The following NOS3 variants were observed in gnomAD, a reference collection of about 807,000 sequenced individuals.
NOS3 encodes the protein nitric oxide synthase 3.
NOS3 carries 98 observed loss-of-function variants against 144.9 expected under a neutral mutation model. The observed-to-expected ratio is 0.68, with a 90% CI of 0.57 to 0.80. The LOEUF (loss-of-function observed/expected upper bound fraction) is 0.80, where lower values mean the gene tolerates loss of function less well. Among genes scored for constraint, NOS3 ranks in the 30% least tolerant of loss-of-function variants. NOS3 has a pLI of 0.00. For missense variants in NOS3, 1,465 were observed against 1,656.4 expected (o/e 0.88, Z 2.01); for synonymous variants, 714 against 702.4 (o/e 1.02, Z -0.26).
At chr7:151,006,772 G>T (rs775564937) in intron 15 of NOS3, 117 bp from the exon 16 acceptor site, 1 of 859,908 alleles carries the variant, frequency 1.2e-6, no homozygotes, top group African/African-American at 1.7e-5. Context: ...CCTCCCAAGG[G>T]CAGGGCCTTT....
In NOS3 at chr7:150,996,519, A is replaced by G. The variant is rs751755993; in HGVS notation, c.386A>G (p.Asp129Gly). The G allele has an allele frequency of 8.1e-6, 13 of 1,601,780 alleles. No homozygotes were observed. The South Asian group carries it at 1.4e-4, about 18-fold the overall frequency. The change falls in exon 4 of 27, where the codon GAC becomes GGC. Residue 129 changes from aspartate (D) to glycine (G), a missense_variant. By Grantham distance (94) the Asp-to-Gly change is moderately conservative. Transcript: ENST00000297494. The stretch of plus-strand genomic sequence containing the variant: ...GAGCAGCTGCTGAGTCAGGCCCGGG[A>G]CTTCATCAACCAGTACTACAGCTCC... ...APEQLLSQAR[D>G]FINQYYSSIK...
rs1802250033 is a variant in NOS3, at chr7:150,991,297, G to C, written c.-55G>C. ...CTGTCAGCCACCAGCACCTTCTGCA[G>C]CAGGTACCTGCTCTCTAAGAGGGAG... On this transcript the variant is annotated 5_prime_UTR_variant, in exon 1 of 27. Transcript: ENST00000297494. 6.6e-6 allele frequency: 1 copy of C among 152,390 alleles called. No individual in the cohort carries two copies. The highest frequency in any genetic ancestry group is 1.5e-5 in the Non-Finnish European group (1 of 68,062). The allele number at this position is 152,390 out of a possible 1,614,324, so 9.4% of individuals were successfully genotyped here.
At chr7:151,012,193 G>T in intron 23 of NOS3, 158 bp from the exon 24 acceptor site, 1 of 612,088 alleles carries the variant, frequency 1.6e-6, no homozygotes. Context: ...GATCCAAGGA[G>T]TTTCAGCAAG....
chr7:151,008,655 C>T (rs564522740), intron 17 of NOS3, among the ~76,000 whole-genome samples: 3 of 152,190 alleles, frequency 2.0e-5, no homozygotes. Context: ...CTACCGTGTG[C>T]CAAGCACTAT....
chr7:150,997,268 CG>C (rs1238645806), intron 5 of NOS3, among the ~76,000 whole-genome samples: 1 of 151,570 alleles, frequency 6.6e-6, no homozygotes, highest in Non-Finnish European at 1.5e-5. Flanking sequence ...AGACCTGCTG[CG>C]GGGGTGAGGA....
rs1462172281 is a variant in NOS3, at chr7:150,999,277, C to T, written c.1044C>T (p.Phe348=). The T allele has an allele frequency of 6.2e-7, 1 of 1,612,092 alleles. No homozygotes were observed. The highest frequency in any genetic ancestry group is 8.5e-7 in the Non-Finnish European group (1 of 1,179,690). Residue 348 remains phenylalanine, a synonymous_variant, in exon 9 of 27, where the codon TTC becomes TTT. Coordinates refer to ENST00000297494, the MANE Select transcript of NOS3 (RefSeq NM_000603.5). ...NMLLEIGGLE[F]PAAPFSGWYM... ...TGCTGGAAATTGGGGGCCTGGAGTT[C>T]CCCGCAGCCCCCTTCAGTGGCTGGT...
chr7:151,010,524 G>A, intron 21 of NOS3, 73 bp from the exon 22 acceptor site: 3 of 1,401,458 alleles, frequency 2.1e-6, no homozygotes, highest in Non-Finnish European at 2.9e-6. Flanking sequence ...AGGCTCAGTG[G>A]GGGAGGGGTC....
At position 151,012,443 on chromosome 7, in the gene NOS3, A is replaced by C; in HGVS notation, c.3077A>C (p.Gln1026Pro). The change falls in exon 24 of 27, where the codon CAG becomes CCG. Residue 1026 changes from glutamine to proline, a missense_variant. Transcript: ENST00000297494. ...ATTGCCCCCTTCCGGGGATTCTGGC[A>C]GGAGCGGCTGCATGACATTGAGAGC... ...TGIAPFRGFW[Q>P]ERLHDIESKG... The C allele has an allele frequency of 1.2e-6, 2 of 1,611,876 alleles. No homozygotes were observed. The highest frequency in any genetic ancestry group is 1.7e-6 in the Non-Finnish European group (2 of 1,179,312).
At chr7:151,001,701 G>C in intron 12 of NOS3, 84 bp downstream of exon 12, 1 of 1,573,236 alleles carries the variant, frequency 6.4e-7, no homozygotes, top group Non-Finnish European at 8.7e-7. Context: ...CCCTGCCCCA[G>C]CAGTGTTCTG....
intron 26 of NOS3, 32 bp downstream of exon 26, chr7:151,013,950 G>A (rs1331618412): frequency 3.1e-6 from 5 of 1,603,374 alleles, no homozygotes; most frequent in Non-Finnish European, 3.4e-6. Flanking sequence ...CTGAGCGTGC[G>A]GGGTTCCTGC....
In NOS3 at chr7:150,993,765, G is replaced by A. The variant is rs775118198; in HGVS notation, c.-39G>A. ...CCCTCTTCCTAAGGAAAAGGCCAGG[G>A]CTCTGCTGGAGCAGGCAGCAGAGTG... On this transcript the variant is annotated 5_prime_UTR_variant, in exon 2 of 27. Transcript: ENST00000297494. This position sits in a 1 kb window ranked among gnomAD's most constrained non-coding sequence, Gnocchi z 4.0. The A allele has an allele frequency of 1.3e-6, 2 of 1,567,692 alleles. No homozygotes were observed. Among genetic ancestry groups the A allele is most frequent in the Non-Finnish European group, 1.7e-6 (2 of 1,163,816 alleles).
intron 26 of NOS3, 28 bp downstream of exon 26, chr7:151,013,946 G>T: frequency 1.2e-6 from 2 of 1,601,772 alleles, no homozygotes; most frequent in Non-Finnish European, 1.7e-6. Flanking sequence ...GGGCCTGAGC[G>T]TGCGGGGTTC....
rs761102418 is a variant in NOS3, at chr7:151,013,934, C to T, written c.3450+16C>T. 1.9e-6 allele frequency: 3 copies of T among 1,597,996 alleles called. No individual in the cohort carries two copies. On this transcript the variant is annotated intron_variant, in intron 26 of 26. Transcript: ENST00000297494. ...CGTGCTGCGGGTGCGGAGGGGCGGG[C>T]CGGGCCTGAGCGTGCGGGGTTCCTG...
chr7:151,007,282 C>T lies in NOS3; in HGVS notation c.2112+6C>T. 6.3e-7 allele frequency: 1 copy of T among 1,589,758 alleles called. No homozygotes were observed. Among genetic ancestry groups the T allele is most frequent in the Non-Finnish European group, 8.5e-7 (1 of 1,173,026 alleles). On this transcript the variant is annotated splice_donor_region_variant and intron_variant, in intron 17 of 26. Transcript: ENST00000297494. ...GGGCCCAGGCTGCCTTCCAGGTGAG[C>T]CCAGCCCAGCCCCTGCTCTGACTCC...
rs1196810356 is a variant in NOS3 at position 151,013,918 on chromosome 7, G to C, written c.3450G>C (p.Arg1150=). The C allele has an allele frequency of 2.5e-6, 4 of 1,599,048 alleles. No individual in the cohort carries two copies. Among genetic ancestry groups the C allele is most frequent in the African/African-American group, 1.3e-5 (1 of 74,636 alleles). Residue 1150 remains arginine (R), a splice_region_variant and synonymous_variant, in exon 26 of 27, where the codon CGG becomes CGC. Coordinates refer to ENST00000297494, the MANE Select transcript of NOS3 (RefSeq NM_000603.5). ...DEAGDVIGVL[R]DQQRYHEDIF... Reference sequence around the variant, plus strand: ...CCGGCGACGTCATCGGCGTGCTGCGGGTGCGGAGGGGCGGGCCGGGCCTGA... The same window carrying C: ...CCGGCGACGTCATCGGCGTGCTGCGCGTGCGGAGGGGCGGGCCGGGCCTGA...
chr7:150,991,855 G>A (rs1436404781), intron 1 of NOS3, among the ~76,000 whole-genome samples: 1 of 152,156 alleles, frequency 6.6e-6, no homozygotes, highest in African/African-American at 2.4e-5. Context: ...AATTAGCCGG[G>A]CGTGGTGGTG....
rs543032563 is a variant in NOS3 at position 150,993,113 on chromosome 7, C to A, written c.-51-640C>A. Reference sequence around the variant, plus strand: ...CAGCTTCCTGCTCTTTTGTGTCCCCCACTTGAGTCATGGGGGTGTGGGGGT... The same window carrying A: ...CAGCTTCCTGCTCTTTTGTGTCCCCAACTTGAGTCATGGGGGTGTGGGGGT... On this transcript the variant is annotated intron_variant, in intron 1 of 26. Transcript: ENST00000297494. This position sits in a 1 kb window ranked among gnomAD's most constrained non-coding sequence, Gnocchi z 4.0. Among the ~76,000 whole-genome samples, 9 of 152,150 alleles carry A rather than the reference C, an allele frequency of 5.9e-5. No individual in the cohort carries two copies. The highest frequency in any genetic ancestry group is 8.8e-5 in the Non-Finnish European group (6 of 68,026).
Position 151,014,512 on chromosome 7 carries a change from G to A in NOS3, c.*343G>A, listed in dbSNP as rs1795400423. Reference sequence around the variant, plus strand: ...CTGTAAAGTCTAATCTCTAAATCAAGTATTTATTATTGAAGATTTACCATA... The same window carrying A: ...CTGTAAAGTCTAATCTCTAAATCAAATATTTATTATTGAAGATTTACCATA... On this transcript the variant is annotated 3_prime_UTR_variant, in exon 27 of 27. Transcript: ENST00000297494. The A allele has an allele frequency of 3.7e-6, 1 of 269,784 alleles. No homozygotes were observed. Among genetic ancestry groups the A allele is most frequent in the East Asian group, 6.8e-5 (1 of 14,738 alleles). 16.7% of individuals were successfully genotyped at this position (269,784 alleles called of 1,614,324 possible). A position where few individuals can be genotyped will look rare whatever the true frequency, so the allele number is the denominator to read the frequency against.
In NOS3 at chr7:150,998,639, G is replaced by A. The variant is rs762580019; in HGVS notation, c.775G>A (p.Gly259Ser). Residue 259 changes from glycine (G) to serine (S), a missense_variant, in exon 7 of 27, where the codon GGC (glycine) becomes AGC (serine). This residue lies in a region of NOS3 where 374 missense variants were observed against 377.0 expected (regional missense o/e 0.99). Coordinates refer to ENST00000297494, the MANE Select transcript of NOS3 (RefSeq NM_000603.5). This position sits in a 1 kb window ranked among gnomAD's most constrained non-coding sequence, Gnocchi z 5.0. ...VRYAGYRQQD[G>S]SVRGDPANVE... ...CTACGCGGGCTACCGGCAGCAGGAT[G>A]GCTCTGTGCGGGGGGACCCAGCCAA... The A allele has an allele frequency of 6.2e-6, 10 of 1,608,086 alleles. No individual in the cohort carries two copies. Among genetic ancestry groups the A allele is most frequent in the South Asian group, 3.3e-5 (3 of 90,162 alleles).
Sources: allele counts gnomAD v4.1 joint callset (sites outside exome capture counted in the v4.1 genomes callset), GRCh38; gene constraint gnomAD v4.1.1; regional missense constraint gnomAD v4.1.1; non-coding constraint Gnocchi (gnomAD v3.1); transcripts MANE v1.5; gene names NCBI Gene and HGNC (gene_info 2026-07-23, HGNC 2026-07-21).